CCDC80: variants seen among roughly 807,000 people sequenced by gnomAD.
The protein encoded by CCDC80 is coiled-coil domain-containing protein 80.
CCDC80 carries 49 observed loss-of-function variants against 78.7 expected under a neutral mutation model. The ratio of observed to expected loss-of-function variants is 0.62; its 90% CI spans 0.50 to 0.79. The LOEUF is 0.79. CCDC80 is among the 30% of genes least tolerant of loss of function. The probability of loss-of-function intolerance (pLI) is 0.00; values close to 1 mark genes in which losing one functional copy is unlikely to be tolerated. For missense variants in CCDC80, 1,205 were observed against 1,198.6 expected (o/e 1.01, Z -0.08); for synonymous variants, 488 against 447.0 (o/e 1.09, Z -1.16).
At position 112,616,806 on chromosome 3, in the gene CCDC80, G is replaced by T; in HGVS notation, c.2225C>A (p.Thr742Asn). The change falls in exon 5 of 8, where the codon ACT becomes AAT. Residue 742 changes from threonine to asparagine, a missense_variant. Physicochemically the swap from Thr to Asn is moderately conservative, Grantham distance 65. Transcript: ENST00000206423. Reference protein sequence around the residue: ...TMKSVFDLIDTFQSRIKDMEK... With the variant: ...TMKSVFDLIDNFQSRIKDMEK... ...CATATCTTTGATTCGGGACTGGAAAGTATCGATCAGATCAAACACAGACTT... is the reference window on the plus strand; with the variant it reads ...CATATCTTTGATTCGGGACTGGAAATTATCGATCAGATCAAACACAGACTT... 1 of 1,614,146 alleles carries T rather than the reference G, an allele frequency of 6.2e-7. No homozygotes were observed. The highest frequency in any genetic ancestry group is 1.1e-5 in the South Asian group (1 of 91,090).
intron 5 of CCDC80, among the ~76,000 whole-genome samples, chr3:112,611,341 G>T (rs758080000): frequency 6.6e-6 from 1 of 152,206 alleles, no homozygotes; most frequent in Non-Finnish European, 1.5e-5. Flanking sequence ...GTCTTAATCT[G>T]CAGGCTTCTG....
At position 112,620,365 on chromosome 3, in the gene CCDC80, A is replaced by G. The variant is rs568420347; in HGVS notation, c.2036-1261T>C. ...CCAAAGGAAAAGGAGCTGAGAGCCT[A>G]GATGAGAACCAAGCACTGTCTGCAA... On this transcript the variant is annotated intron_variant, in intron 3 of 7. Coordinates refer to ENST00000206423, the MANE Select transcript of CCDC80 (RefSeq NM_199511.3). Among the ~76,000 whole-genome samples the G allele has an allele frequency of 2.6e-5, 4 of 152,350 alleles. No homozygotes were observed. In the South Asian group the frequency reaches 8.3e-4, roughly 32 times the overall value.
At position 112,639,757 on chromosome 3, in the gene CCDC80, C is replaced by T. The variant is rs375544364; in HGVS notation, c.149G>A (p.Arg50Gln). ...LVSPDSSRPA[R>Q]FLRHTGRSRG... ...AGACCTCCCAGTGTGCCTCAGAAAC[C>T]GAGCTGGCCTACTGCTGTCCGGAGA... Residue 50 changes from arginine to glutamine, a missense_variant, in exon 2 of 8, where the codon CGG (arginine) becomes CAG (glutamine). Coordinates refer to ENST00000206423, the MANE Select transcript of CCDC80 (RefSeq NM_199511.3). The T allele has an allele frequency of 1.2e-6, 2 of 1,613,956 alleles. No individual in the cohort carries two copies. The highest frequency in any genetic ancestry group is 2.2e-5 in the East Asian group (1 of 44,872).
In CCDC80 at chr3:112,616,798, A is replaced by G. The variant is rs1297065077; in HGVS notation, c.2233T>C (p.Ser745Pro). The change falls in exon 5 of 8, where the codon TCC (serine) becomes CCC (proline). Residue 745 changes from serine (S) to proline (P), a missense_variant. By Grantham distance (74) the Ser-to-Pro change is moderately conservative. Coordinates refer to ENST00000206423, the MANE Select transcript of CCDC80 (RefSeq NM_199511.3). ...TGCTTCTCCATATCTTTGATTCGGG[A>G]CTGGAAAGTATCGATCAGATCAAAC... ...SVFDLIDTFQ[S>P]RIKDMEKQKK... 1.2e-6 allele frequency: 2 copies of G among 1,614,142 alleles called. No individual in the cohort carries two copies. The highest frequency in any genetic ancestry group is 1.7e-5 in the Admixed American group (1 of 60,024).
chr3:112,619,230 T>A (rs1935814939), intron 3 of CCDC80, 126 bp from the exon 4 acceptor site: 6 of 857,798 alleles, frequency 7.0e-6, no homozygotes, highest in Non-Finnish European at 8.2e-6. Flanking sequence ...CAACTCACGT[T>A]GTGTTTGAAC....
chr3:112,630,224 G>A lies in CCDC80; in HGVS notation c.1924C>T (p.Arg642Cys), dbSNP rs146397471. 4.9e-5 allele frequency: 79 copies of A among 1,613,714 alleles called. 1 individual carries two copies. Among genetic ancestry groups the A allele is most frequent in the Admixed American group, 4.5e-4 (27 of 59,976 alleles). Reference protein sequence around the residue: ...KAENNMYVQQRDEYLESFCKM... With the variant: ...KAENNMYVQQCDEYLESFCKM... ...CAGAAACTTTCCAGATATTCATCAC[G>A]TTGTTGCACATACATATTGTTCTCA... Residue 642 changes from arginine to cysteine, a missense_variant, in exon 3 of 8, where the codon CGT (arginine) becomes TGT (cysteine). By Grantham distance (180) the Arg-to-Cys change is radical. Coordinates refer to ENST00000206423, the MANE Select transcript of CCDC80 (RefSeq NM_199511.3).
In CCDC80 at chr3:112,605,675, G is replaced by A; in HGVS notation, c.2595C>T (p.Ser865=). ...NYFQVSPEYF[S]MLLVGKDGNV... Reference sequence around the variant, plus strand: ...TTCCGTCTTTTCCGACTAGAAGCATGGAGAAGTACTCCGGGCTCACTTGAA... The same window carrying A: ...TTCCGTCTTTTCCGACTAGAAGCATAGAGAAGTACTCCGGGCTCACTTGAA... The change falls in exon 8 of 8, where the codon TCC becomes TCT. Residue 865 remains serine, a synonymous_variant. Coordinates refer to ENST00000206423, the MANE Select transcript of CCDC80 (RefSeq NM_199511.3). 6.2e-7 allele frequency: 1 copy of A among 1,614,182 alleles called. No individual in the cohort carries two copies. The highest frequency in any genetic ancestry group is 1.3e-5 in the African/African-American group (1 of 75,042).
At chr3:112,612,629 C>T (rs984446549) in intron 5 of CCDC80, among the ~76,000 whole-genome samples, 5 of 152,148 alleles carry the variant, frequency 3.3e-5, no homozygotes, top group African/African-American at 1.2e-4. Context: ...ACTTTACAAG[C>T]TGTGAATGTG....
rs1318493219 is a variant in CCDC80 at position 112,598,291 on chromosome 3, A to T, written c.*7126T>A. The T allele has an allele frequency of 6.6e-6, 1 of 152,220 alleles. No homozygotes were observed. The highest frequency in any genetic ancestry group is 1.5e-5 in the Non-Finnish European group (1 of 68,038). The allele number at this position is 152,220 out of a possible 1,614,324, so 9.4% of individuals were successfully genotyped here. On this transcript the variant is annotated 3_prime_UTR_variant, in exon 8 of 8. Transcript: ENST00000206423. Reference sequence around the variant, plus strand: ...GCTGTCTTCCAGAAATGGTTTCCCAAGGTGTTCCCTACCTCTCTTTTTCTT... The same window carrying T: ...GCTGTCTTCCAGAAATGGTTTCCCATGGTGTTCCCTACCTCTCTTTTTCTT...
intron 5 of CCDC80, among the ~76,000 whole-genome samples, chr3:112,612,399 G>A (rs1935649519): frequency 6.6e-6 from 1 of 152,110 alleles, no homozygotes; most frequent in East Asian, 1.9e-4. Flanking sequence ...ATTGGAGAGG[G>A]ATGGGATGTC....
chr3:112,615,018 A>G (rs1218576422), intron 5 of CCDC80, among the ~76,000 whole-genome samples: 1 of 152,250 alleles, frequency 6.6e-6, no homozygotes, highest in African/African-American at 2.4e-5. Context: ...GTTCACAGGT[A>G]TAATGGCTAT....
At position 112,605,779 on chromosome 3, in the gene CCDC80, A is replaced by G. The variant is rs1279301019; in HGVS notation, c.2507-16T>C. 4 of 1,584,322 alleles carry G rather than the reference A, an allele frequency of 2.5e-6. No homozygotes were observed. The highest frequency in any genetic ancestry group is 3.5e-6 in the Non-Finnish European group (4 of 1,156,166). ...ACAGAGCTCCCTAGAATAACATTGG[A>G]ATAGTTATTGTTAGTAGATTAAACA... On this transcript the variant is annotated splice_polypyrimidine_tract_variant and intron_variant, in intron 7 of 7. Coordinates refer to ENST00000206423, the MANE Select transcript of CCDC80 (RefSeq NM_199511.3).
Position 112,638,483 on chromosome 3 carries a change from G to A in CCDC80, c.1423C>T (p.His475Tyr), listed in dbSNP as rs1936259564. 6.2e-7 allele frequency: 1 copy of A among 1,613,716 alleles called. No individual in the cohort carries two copies. Among genetic ancestry groups the A allele is most frequent in the African/African-American group, 1.3e-5 (1 of 74,948 alleles). Residue 475 changes from histidine to tyrosine, a missense_variant, in exon 2 of 8, where the codon CAC (histidine) becomes TAC (tyrosine). Coordinates refer to ENST00000206423, the MANE Select transcript of CCDC80 (RefSeq NM_199511.3). ...CCTGGCACCACATTTGGGTCTCGGT[G>A]GCCATGTTCCCGCCTGTCCATGCGG... Reference protein sequence around the residue: ...DNRMDRREHGHRDPNVVPGPP... With the variant: ...DNRMDRREHGYRDPNVVPGPP...
At chr3:112,630,302 T>G (rs371422919) in intron 2 of CCDC80, 33 bp from the exon 3 acceptor site, 1 of 1,607,200 alleles carries the variant, frequency 6.2e-7, no homozygotes, top group African/African-American at 1.3e-5. Flanking sequence ...AAATACTCAT[T>G]TATAGTGATA....
At chr3:112,614,591 T>C (rs970884249) in intron 5 of CCDC80, among the ~76,000 whole-genome samples, 11 of 151,876 alleles carry the variant, frequency 7.2e-5, no homozygotes, top group African/African-American at 1.9e-4. Context: ...GCTGAGTTGA[T>C]TTTAAGTCCT....
chr3:112,613,170 A>G (rs995007849), intron 5 of CCDC80, among the ~76,000 whole-genome samples: 1 of 152,212 alleles, frequency 6.6e-6, no homozygotes, highest in Non-Finnish European at 1.5e-5. Context: ...TCAGGGTCAC[A>G]CAGCTAGTAA....
intron 2 of CCDC80, among the ~76,000 whole-genome samples, chr3:112,635,957 T>A (rs1382697398): frequency 6.6e-6 from 1 of 152,168 alleles, no homozygotes; most frequent in African/African-American, 2.4e-5. Flanking sequence ...GGATACACTG[T>A]GAAAACCCCC....
Position 112,639,617 on chromosome 3 carries a change from T to C in CCDC80, c.289A>G (p.Ile97Val). 1 of 1,614,150 alleles carries C rather than the reference T, an allele frequency of 6.2e-7. No individual in the cohort carries two copies. The highest frequency in any genetic ancestry group is 8.5e-7 in the Non-Finnish European group (1 of 1,180,026). The change falls in exon 2 of 8, where the codon ATC becomes GTC. Residue 97 changes from isoleucine to valine, a missense_variant. By Grantham distance (29) the Ile-to-Val change is conservative. Coordinates refer to ENST00000206423, the MANE Select transcript of CCDC80 (RefSeq NM_199511.3). ...RPTEPPARSDINGAAVRPEQR... is the reference protein window; with the variant it reads ...RPTEPPARSDVNGAAVRPEQR... ...TCAGGTCTCACGGCGGCCCCATTGA[T>C]GTCCGAGCGGGCTGGCGGCTCTGTT...
At position 112,607,247 on chromosome 3, in the gene CCDC80, T is replaced by C; in HGVS notation, c.2435A>G (p.His812Arg). 1 of 1,613,860 alleles carries C rather than the reference T, an allele frequency of 6.2e-7. No individual in the cohort carries two copies. The highest frequency in any genetic ancestry group is 8.5e-7 in the Non-Finnish European group (1 of 1,179,850). Residue 812 changes from histidine to arginine, a missense_variant, in exon 7 of 8, where the codon CAC becomes CGC. Coordinates refer to ENST00000206423, the MANE Select transcript of CCDC80 (RefSeq NM_199511.3). ...GCCTAAAAGCTTCAGAATGGTTATG[T>C]GGCGCAGACCTGAGAGAAAAAAGAA... ...SGQACNFGLR[H>R]ITILKLLGVG... is the part of the protein sequence containing the mutation.
Sources: allele counts gnomAD v4.1 joint callset (sites outside exome capture counted in the v4.1 genomes callset), GRCh38; gene constraint gnomAD v4.1.1; transcripts MANE v1.5; gene names NCBI Gene and HGNC (gene_info 2026-07-23, HGNC 2026-07-21).